Variants in ME1 observed in about 807,000 individuals in gnomAD.
ME1 encodes the protein malic enzyme 1, also known as NADP-dependent malic enzyme.
In ME1, 74 loss-of-function variants were observed where a neutral mutation model predicts 66.4. The observed-to-expected ratio is 1.11, with a 90% confidence interval of 0.92 to 1.35. The LOEUF (loss-of-function observed/expected upper bound fraction) is 1.35. ME1 is among the 40% of genes most tolerant of loss of function. The pLI, the probability that ME1 is intolerant of heterozygous loss-of-function variation, is 0.00. For synonymous variants in ME1, 251 were observed against 235.6 expected (o/e 1.07, Z -0.60); for missense variants, 750 against 694.1 (o/e 1.08, Z -0.90).
At chr6:83,344,400 A>G (rs1768647723) in intron 5 of ME1, among the ~76,000 whole-genome samples, 1 of 151,876 alleles carries the variant, frequency 6.6e-6, no homozygotes, top group African/African-American at 2.4e-5. Context: ...TATTTTTGTG[A>G]TTTTTAAAAT....
intron 5 of ME1, among the ~76,000 whole-genome samples, chr6:83,323,564 A>G (rs1768224668): frequency 6.6e-6 from 1 of 152,214 alleles, no homozygotes; most frequent in African/African-American, 2.4e-5. Flanking sequence ...CAGAGTTTAA[A>G]CAAATAAAGA....
chr6:83,320,074 A>T lies in ME1; in HGVS notation c.601-4661T>A, dbSNP rs1144177. ...CCTAGGATGGTGATAAGCATATTTT[A>T]TATGTGGAATGTGACCAATTTCTGA... On this transcript the variant is annotated intron_variant, in intron 5 of 13. Coordinates refer to ENST00000369705, the MANE Select transcript of ME1 (RefSeq NM_002395.6). 5.5e-4 allele frequency among the ~76,000 whole-genome samples: 84 copies of T among 152,094 alleles called. 2 individuals are homozygous for T. The highest frequency in any genetic ancestry group is 2.0e-3 in the African/African-American group (81 of 41,506).
intron 1 of ME1, among the ~76,000 whole-genome samples, chr6:83,423,955 C>T (rs1045190644): frequency 2.6e-5 from 4 of 151,490 alleles, no homozygotes; most frequent in Non-Finnish European, 5.9e-5. Context: ...CAAAAAAATA[C>T]AAAAATTAGC....
intron 6 of ME1, among the ~76,000 whole-genome samples, chr6:83,306,337 C>T (rs1767823861): frequency 6.6e-6 from 1 of 151,802 alleles, no homozygotes. Context: ...ATTTTGAAAT[C>T]ATAATGATTA....
intron 4 of ME1, among the ~76,000 whole-genome samples, chr6:83,351,185 A>G (rs1768796226): frequency 1.3e-5 from 2 of 152,152 alleles, no homozygotes; most frequent in South Asian, 4.1e-4. Context: ...GCGTGAGGTC[A>G]GGAGTTCAAG....
chr6:83,415,021 A>T (rs1770131712), intron 1 of ME1, among the ~76,000 whole-genome samples: 2 of 152,198 alleles, frequency 1.3e-5, no homozygotes. Context: ...TGAATAATCC[A>T]AATAAACCAC....
At chr6:83,274,468 T>C (rs568771444) in intron 6 of ME1, among the ~76,000 whole-genome samples, 1 of 152,360 alleles carries the variant, frequency 6.6e-6, no homozygotes, top group Admixed American at 6.5e-5. Flanking sequence ...TATCTAATAG[T>C]TAATTTAGCA....
rs148398091 is a variant in ME1 at position 83,245,566 on chromosome 6, C to T, written c.815-5930G>A. On this transcript the variant is annotated intron_variant, in intron 7 of 13. Transcript: ENST00000369705. ...GATTACAGGCATGCACCATCATGCC[C>T]GGCTAATTTTTTTGTATTTCTAGTA... Among the ~76,000 whole-genome samples, 1,356 of 152,124 alleles carry T rather than the reference C, an allele frequency of 8.9e-3. 9 individuals carry two copies. Among genetic ancestry groups the T allele is most frequent in the Non-Finnish European group, 0.015 (998 of 68,004 alleles).
intron 3 of ME1, among the ~76,000 whole-genome samples, chr6:83,377,599 T>A (rs1339801115): frequency 6.6e-6 from 1 of 151,960 alleles, no homozygotes; most frequent in Admixed American, 6.6e-5. Flanking sequence ...TCAAAATAAC[T>A]TAAACTTTTA....
intron 7 of ME1, among the ~76,000 whole-genome samples, chr6:83,241,232 CTT>C (rs878869113): frequency 6.6e-6 from 1 of 152,124 alleles, no homozygotes; most frequent in African/African-American, 2.4e-5. Flanking sequence ...CTATCTCTCT[CTT>C]GGGTTCTTTT....
chr6:83,389,912 G>C lies in ME1; in HGVS notation c.362+8455C>G, dbSNP rs181010404. Among the ~76,000 whole-genome samples, 696 of 152,054 alleles carry C rather than the reference G, an allele frequency of 4.6e-3. 2 individuals are homozygous for C. Among genetic ancestry groups the C allele is most frequent in the African/African-American group, 0.015 (638 of 41,448 alleles). The stretch of plus-strand genomic sequence containing the variant: ...ATTCTGCAAGAATTAAAATGATTTC[G>C]GCACATGGGAATAAGACAATCCAAG... On this transcript the variant is annotated intron_variant, in intron 3 of 13. Coordinates refer to ENST00000369705, the MANE Select transcript of ME1 (RefSeq NM_002395.6).
At chr6:83,215,206 G>A (rs1487227630) in intron 13 of ME1, among the ~76,000 whole-genome samples, 2 of 152,166 alleles carry the variant, frequency 1.3e-5, no homozygotes, top group Non-Finnish European at 2.9e-5. Flanking sequence ...CTTAAATGGT[G>A]TTGTTTAGAT....
At chr6:83,366,537 A>G (rs561768329) in intron 3 of ME1, among the ~76,000 whole-genome samples, 1 of 152,340 alleles carries the variant, frequency 6.6e-6, no homozygotes, top group East Asian at 1.9e-4. Flanking sequence ...AGAAGAAAGA[A>G]AGATAGTTCA....
intron 3 of ME1, among the ~76,000 whole-genome samples, chr6:83,357,532 T>C (rs1377415359): frequency 6.6e-6 from 1 of 152,146 alleles, no homozygotes; most frequent in East Asian, 1.9e-4. Flanking sequence ...TGGTTAATAC[T>C]GATTGTCAAC....
At chr6:83,411,952 T>C (rs1231982665) in intron 1 of ME1, among the ~76,000 whole-genome samples, 1 of 152,222 alleles carries the variant, frequency 6.6e-6, no homozygotes, top group Non-Finnish European at 1.5e-5. Flanking sequence ...AGGGCAACTA[T>C]TCTTCTGGAC....
In ME1 at chr6:83,400,278, T is replaced by A. The variant is rs528169867; in HGVS notation, c.213-1762A>T. ...ATCCCTTTGTGATGAGTTCTTGCTC[T>A]GAGTTGATGTGAGATTTGGTTGGCA... On this transcript the variant is annotated intron_variant, in intron 2 of 13. Coordinates refer to ENST00000369705, the MANE Select transcript of ME1 (RefSeq NM_002395.6). Among the ~76,000 whole-genome samples, 7 of 152,322 alleles carry A rather than the reference T, an allele frequency of 4.6e-5. No homozygotes were observed. In the South Asian group the frequency reaches 1.4e-3, roughly 32 times the overall value.
chr6:83,299,162 G>A (rs756133587), intron 6 of ME1, among the ~76,000 whole-genome samples: 7 of 151,540 alleles, frequency 4.6e-5, no homozygotes, highest in Admixed American at 1.3e-4. Flanking sequence ...AATGGAAATA[G>A]CATTGAATTT....
At chr6:83,382,385 GA>G (rs1451118762) in intron 3 of ME1, among the ~76,000 whole-genome samples, 1 of 152,064 alleles carries the variant, frequency 6.6e-6, no homozygotes, top group Non-Finnish European at 1.5e-5. Context: ...AGACTGTAAA[GA>G]AATGGCAAGG....
chr6:83,347,562 T>C (rs1435344984), intron 4 of ME1, among the ~76,000 whole-genome samples: 2 of 152,162 alleles, frequency 1.3e-5, no homozygotes, highest in African/African-American at 4.8e-5. Flanking sequence ...TGTATAAAAT[T>C]GGGAACCAGG....
Sources: gnomAD v4.1 joint callset for allele counts (sites outside exome capture counted in the v4.1 genomes callset) on GRCh38, gnomAD v4.1.1 for gene constraint, MANE v1.5 for transcripts, NCBI Gene and HGNC (gene_info 2026-07-23, HGNC 2026-07-21) for gene names.